The following MED27 variants were observed in gnomAD, a reference collection of about 807,000 sequenced individuals.
MED27 encodes mediator complex subunit 27.
A neutral mutation model predicts 38.2 loss-of-function variants in MED27; 30 were observed. The observed-to-expected ratio is 0.79, with a 90% CI of 0.59 to 1.07. MED27 has a LOEUF of 1.07. Among genes scored for constraint, MED27 ranks in the 50% least tolerant of loss-of-function variants. MED27 has a pLI of 0.00. For synonymous variants in MED27, 122 were observed against 153.5 expected, an observed-to-expected ratio of 0.79 and a Z score of 1.52; for missense variants, 289 against 397.5, an observed-to-expected ratio of 0.73 and a Z score of 2.32.
chr9:131,898,101 A>ATTTT (rs1039409485), intron 4 of MED27, among the ~76,000 whole-genome samples: 46 of 131,908 alleles, frequency 3.5e-4, no homozygotes, highest in Middle Eastern at 4.0e-3. Flanking sequence ...TGCAGGTTTG[A>ATTTT]TTTTTTTTTT....
intron 4 of MED27, among the ~76,000 whole-genome samples, chr9:131,894,293 C>G (rs557376147): frequency 6.6e-6 from 1 of 152,334 alleles, no homozygotes; most frequent in Admixed American, 6.5e-5. Context: ...AAATCCTTCC[C>G]TTTCCCATTT....
At chr9:131,936,925 G>C (rs899992799) in intron 4 of MED27, among the ~76,000 whole-genome samples, 1 of 152,202 alleles carries the variant, frequency 6.6e-6, no homozygotes, top group Admixed American at 6.5e-5. Flanking sequence ...GACTGCTCAA[G>C]TGCACCCTGC....
At chr9:131,988,159 AGT>A (rs949287425) in intron 3 of MED27, among the ~76,000 whole-genome samples, 1 of 152,246 alleles carries the variant, frequency 6.6e-6, no homozygotes, top group African/African-American at 2.4e-5. Context: ...CCTATAGCAT[AGT>A]GGCTACTCAA....
At chr9:132,049,110 C>T (rs554898148) in intron 2 of MED27, among the ~76,000 whole-genome samples, 4 of 152,306 alleles carry the variant, frequency 2.6e-5, no homozygotes, top group African/African-American at 7.2e-5. Context: ...AAAGAGCACA[C>T]GGCCTGGATG....
chr9:131,863,195 A>T (rs1240100149), intron 6 of MED27, 55 bp from the exon 7 acceptor site: 3 of 1,468,080 alleles, frequency 2.0e-6, no homozygotes, highest in Non-Finnish European at 1.9e-6. Context: ...GCATAGAGAA[A>T]ACAAGCAGGA....
At chr9:131,952,648 G>A (rs1831021897) in intron 3 of MED27, among the ~76,000 whole-genome samples, 1 of 152,182 alleles carries the variant, frequency 6.6e-6, no homozygotes, top group African/African-American at 2.4e-5. Flanking sequence ...TGGAAAAGCA[G>A]TGAGGTCAGG....
intron 2 of MED27, among the ~76,000 whole-genome samples, chr9:132,052,349 G>T (rs1183739538): frequency 6.6e-6 from 1 of 152,220 alleles, no homozygotes; most frequent in Non-Finnish European, 1.5e-5. Flanking sequence ...CCACGCAGTA[G>T]TGATCTATTA....
At chr9:132,034,605 G>T (rs1391294542) in intron 2 of MED27, among the ~76,000 whole-genome samples, 2 of 152,164 alleles carry the variant, frequency 1.3e-5, no homozygotes, top group Non-Finnish European at 2.9e-5. Context: ...ACCTCAGCGC[G>T]ATAGCTTGGG....
intron 2 of MED27, among the ~76,000 whole-genome samples, chr9:132,023,109 T>C (rs1589272036): frequency 6.6e-6 from 1 of 152,162 alleles, no homozygotes; most frequent in South Asian, 2.1e-4. Context: ...TACAATACTT[T>C]ATTGGTTTTT....
chr9:132,045,427 CA>C lies in MED27; in HGVS notation c.349-30961del, dbSNP rs1833311250. On this transcript the variant is annotated intron_variant, in intron 2 of 7. Transcript: ENST00000292035. ...GAAGAGGAAATTACACACACACACA[CA>C]CACACACACACACACACACACACAC... Among the ~76,000 whole-genome samples the C allele has an allele frequency of 7.9e-5, 12 of 151,124 alleles. 2 individuals carry two copies. In the South Asian group the frequency reaches 2.5e-3, roughly 32 times the overall value.
chr9:132,029,621 T>C (rs1295283889), intron 2 of MED27, among the ~76,000 whole-genome samples: 1 of 151,970 alleles, frequency 6.6e-6, no homozygotes, highest in Non-Finnish European at 1.5e-5. Flanking sequence ...AACTCTCCAA[T>C]GAGCAAATTA....
intron 2 of MED27, among the ~76,000 whole-genome samples, chr9:132,021,262 C>T (rs1459143863): frequency 6.6e-6 from 1 of 152,202 alleles, no homozygotes; most frequent in African/African-American, 2.4e-5. Context: ...ATAGGACTTT[C>T]TCCACAACTG....
At chr9:132,078,086 A>C (rs1834093895) in intron 1 of MED27, among the ~76,000 whole-genome samples, 1 of 152,240 alleles carries the variant, frequency 6.6e-6, no homozygotes, top group Non-Finnish European at 1.5e-5. Flanking sequence ...AAGAAGAGAT[A>C]AAATAAACAA....
chr9:131,926,450 G>C (rs1255565012), intron 4 of MED27, among the ~76,000 whole-genome samples: 1 of 152,116 alleles, frequency 6.6e-6, no homozygotes, highest in Admixed American at 6.5e-5. Flanking sequence ...AGTGAGAAAA[G>C]GGAGAGCTCC....
In MED27 at chr9:132,069,662, C is replaced by A. The variant is rs1195530806; in HGVS notation, c.348+7780G>T. ...AGAGCTGAAGAGGTGGAAATACTCT[C>A]CATTCCTCGGATTACAATTTTGTTT... is the stretch of plus-strand genomic sequence containing the variant. On this transcript the variant is annotated intron_variant, in intron 2 of 7. Transcript: ENST00000292035. 5.3e-5 allele frequency among the ~76,000 whole-genome samples: 8 copies of A among 152,226 alleles called. No individual in the cohort carries two copies. The East Asian group carries it at 1.5e-3, about 29-fold the overall frequency.
intron 2 of MED27, among the ~76,000 whole-genome samples, chr9:132,018,055 C>T (rs1832642165): frequency 6.6e-6 from 1 of 152,190 alleles, no homozygotes; most frequent in Non-Finnish European, 1.5e-5. Flanking sequence ...TGCTCCTGGG[C>T]TTTGCTGCTA....
At position 132,040,749 on chromosome 9, in the gene MED27, C is replaced by T. The variant is rs61068439; in HGVS notation, c.349-26282G>A. ...TGTTTCTGCCGGTACGCCCTGTGCA[C>T]GTGCACACACACCGCACACTCAAGC... On this transcript the variant is annotated intron_variant, in intron 2 of 7. Transcript: ENST00000292035. Among the ~76,000 whole-genome samples the T allele has an allele frequency of 3.5e-3, 540 of 152,340 alleles. 1 individual carries two copies. Among genetic ancestry groups the T allele is most frequent in the African/African-American group, 0.012 (487 of 41,586 alleles).
In MED27 at chr9:132,058,914, C is replaced by A. The variant is rs190295917; in HGVS notation, c.348+18528G>T. ...CAGTGCTTTATCTTTCTTAGTGGTA[C>A]AAAGAATGAAGCGTCTTACACTTTA... On this transcript the variant is annotated intron_variant, in intron 2 of 7. Coordinates refer to ENST00000292035, the MANE Select transcript of MED27 (RefSeq NM_004269.4). Among the ~76,000 whole-genome samples, 12 of 152,298 alleles carry A rather than the reference C, an allele frequency of 7.9e-5. No homozygotes were observed. The East Asian group carries it at 1.7e-3, about 22-fold the overall frequency.
chr9:132,025,593 G>C (rs1832801100), intron 2 of MED27, among the ~76,000 whole-genome samples: 1 of 152,204 alleles, frequency 6.6e-6, no homozygotes, highest in South Asian at 2.1e-4. Context: ...TACAACAGAG[G>C]CCCTCTCCTT....
Sources: allele counts gnomAD v4.1 joint callset (sites outside exome capture counted in the v4.1 genomes callset), GRCh38; gene constraint gnomAD v4.1.1; transcripts MANE v1.5; gene names NCBI Gene and HGNC (gene_info 2026-07-23, HGNC 2026-07-21).